SP140L: variants seen among roughly 807,000 people sequenced by gnomAD.
SP140L encodes nuclear body protein SP140-like protein.
SP140L carries 64 observed loss-of-function variants against 84.3 expected under a neutral mutation model. The ratio of observed to expected loss-of-function variants is 0.76; its 90% CI spans 0.62 to 0.94. The LOEUF is 0.94. Among genes scored for constraint, SP140L ranks in the 40% least tolerant of loss-of-function variants. The probability of loss-of-function intolerance (pLI) is 0.00; values close to 1 mark genes in which losing one functional copy is unlikely to be tolerated. For synonymous variants in SP140L, 242 were observed against 236.9 expected (o/e 1.02, Z -0.20); for missense variants, 628 against 692.5 (o/e 0.91, Z 1.05).
intron 2 of SP140L, among the ~76,000 whole-genome samples, chr2:230,332,944 T>C (rs1317788047): frequency 6.6e-6 from 1 of 152,234 alleles, no homozygotes; most frequent in Non-Finnish European, 1.5e-5. Flanking sequence ...TTTCTTGCTT[T>C]ACTATCTCAT....
chr2:230,401,977 C>T (rs2062362471), intron 18 of SP140L, among the ~76,000 whole-genome samples, 170 bp downstream of exon 18: 1 of 152,182 alleles, frequency 6.6e-6, no homozygotes, highest in African/African-American at 2.4e-5. Context: ...AGCAAAGAAA[C>T]ATTGAATCAA....
chr2:230,387,338 G>A (rs55893188), intron 9 of SP140L, among the ~76,000 whole-genome samples: 41,557 of 152,050 alleles, frequency 0.27, 6,127 homozygotes, highest in Non-Finnish European at 0.32. Context: ...TTGCAAATTT[G>A]AAACTTGTTT....
At chr2:230,371,924 T>C (rs2061087999) in intron 7 of SP140L, 4 of 392,960 alleles carry the variant, frequency 1.0e-5, no homozygotes, top group South Asian at 2.5e-5. Flanking sequence ...TCTAATCTTG[T>C]AGGCTTTAAA....
Position 230,337,637 on chromosome 2 carries a change from G to A in SP140L, c.107+8806G>A, listed in dbSNP as rs1440212614. ...GTTTTTATGGTTTTAGGTCTAACAT[G>A]TAAGTCTTTAATCCACCTTGAATTA... On this transcript the variant is annotated intron_variant, in intron 2 of 18. Coordinates refer to ENST00000415673, the MANE Select transcript of SP140L (RefSeq NM_138402.6). 7.2e-5 allele frequency among the ~76,000 whole-genome samples: 11 copies of A among 152,046 alleles called. No individual in the cohort carries two copies. The East Asian group carries it at 1.9e-3, about 27-fold the overall frequency.
chr2:230,334,840 T>C (rs2059823553), intron 2 of SP140L, among the ~76,000 whole-genome samples: 1 of 152,102 alleles, frequency 6.6e-6, no homozygotes, highest in African/African-American at 2.4e-5. Flanking sequence ...TGAAATGTAG[T>C]TTAGGGTAAG....
intron 1 of SP140L, 63 bp downstream of exon 1, chr2:230,327,364 T>A: frequency 6.4e-7 from 1 of 1,560,218 alleles, no homozygotes. Flanking sequence ...TTCATGCCTG[T>A]AGTTCAGTTT....
Position 230,403,000 on chromosome 2 carries a change from C to G in SP140L, c.*104C>G, listed in dbSNP as rs1314755989. 3 of 872,370 alleles carry G rather than the reference C, an allele frequency of 3.4e-6. No homozygotes were observed. The highest frequency in any genetic ancestry group is 2.6e-5 in the East Asian group (1 of 38,336). The allele number at this position is 872,370 out of a possible 1,614,324, so 54.0% of individuals were successfully genotyped here. On this transcript the variant is annotated 3_prime_UTR_variant, in exon 19 of 19. Transcript: ENST00000415673. Reference sequence around the variant, plus strand: ...ATAGCACATGCAGGGAGAGGCTTTTCTCTGAGCCTCCCTCATCTGCCCAAA... The same window carrying G: ...ATAGCACATGCAGGGAGAGGCTTTTGTCTGAGCCTCCCTCATCTGCCCAAA...
Position 230,385,286 on chromosome 2 carries a change from G to C in SP140L, c.766G>C (p.Asp256His). The change falls in exon 9 of 19, where the codon GAC (aspartate) becomes CAC (histidine). Residue 256 changes from aspartate (D) to histidine (H), a missense_variant. This residue lies in a region of SP140L where 525 missense variants were observed against 518.4 expected (regional missense o/e 1.01). Coordinates refer to ENST00000415673, the MANE Select transcript of SP140L (RefSeq NM_138402.6). ...SEKKANMNLK[D>H]LSKIRGRKRG... ...AAAGAAGGCGAACATGAATCTGAAAGACCTTTCCAAGATTAGGGGTAAGAT... is the reference window on the plus strand; with the variant it reads ...AAAGAAGGCGAACATGAATCTGAAACACCTTTCCAAGATTAGGGGTAAGAT... The C allele has an allele frequency of 6.2e-7, 1 of 1,613,680 alleles. No individual in the cohort carries two copies. Among genetic ancestry groups the C allele is most frequent in the Non-Finnish European group, 8.5e-7 (1 of 1,179,700 alleles).
At chr2:230,389,583 G>A (rs138424197) in intron 10 of SP140L, among the ~76,000 whole-genome samples, 1 of 152,246 alleles carries the variant, frequency 6.6e-6, no homozygotes, top group African/African-American at 2.4e-5. Flanking sequence ...CAGAATAGCT[G>A]GAGAGCGCCC....
Position 230,385,234 on chromosome 2 carries a change from A to C in SP140L, c.714A>C (p.Lys238Asn). 1 of 1,613,726 alleles carries C rather than the reference A, an allele frequency of 6.2e-7. No homozygotes were observed. The highest frequency in any genetic ancestry group is 2.2e-5 in the East Asian group (1 of 44,884). ...CTTGCCTATCCCCAGATAACAGCAA[A>C]GCCGATGGCCAGCTGGTCTCGAGTG... is the stretch of plus-strand genomic sequence containing the variant. ...QKNNQQNDNSKADGQLVSSEK... is the reference protein window; with the variant it reads ...QKNNQQNDNSNADGQLVSSEK... The change falls in exon 9 of 19, where the codon AAA becomes AAC. Residue 238 changes from lysine (K) to asparagine (N), a missense_variant. By Grantham distance (94) the Lys-to-Asn change is moderately conservative. Around this residue, in one of 4 missense-constraint regions of SP140L, gnomAD observed 525 missense variants for 518.4 expected, o/e 1.01. Coordinates refer to ENST00000415673, the MANE Select transcript of SP140L (RefSeq NM_138402.6).
chr2:230,388,850 G>C, intron 10 of SP140L: 1 of 410,246 alleles, frequency 2.4e-6, no homozygotes, highest in Non-Finnish European at 4.4e-6. Flanking sequence ...GGGCCCCAGG[G>C]GGTCACTAAA....
chr2:230,327,783 C>T (rs1387099269), intron 1 of SP140L, among the ~76,000 whole-genome samples: 1 of 152,144 alleles, frequency 6.6e-6, no homozygotes, highest in Non-Finnish European at 1.5e-5. Context: ...TACTTTTAAA[C>T]ATTGGAAACT....
intron 9 of SP140L, 74 bp from the exon 10 acceptor site, chr2:230,388,485 A>G: frequency 7.9e-7 from 1 of 1,259,838 alleles, no homozygotes; most frequent in Non-Finnish European, 1.1e-6. Context: ...TTTAAATGGA[A>G]TTTTTGAAAA....
intron 7 of SP140L, among the ~76,000 whole-genome samples, chr2:230,377,068 G>T (rs1201456018): frequency 6.6e-6 from 1 of 152,130 alleles, no homozygotes; most frequent in Non-Finnish European, 1.5e-5. Context: ...TAACAAATGT[G>T]TGCAGTTATA....
At chr2:230,348,237 G>T (rs115111156) in intron 2 of SP140L, among the ~76,000 whole-genome samples, 1 of 152,200 alleles carries the variant, frequency 6.6e-6, no homozygotes, top group East Asian at 1.9e-4. Context: ...AAATGAAAAC[G>T]TATATCCACA....
chr2:230,328,034 T>A (rs2059627949), intron 1 of SP140L, among the ~76,000 whole-genome samples: 4 of 152,258 alleles, frequency 2.6e-5, no homozygotes, highest in Admixed American at 2.6e-4. Context: ...AACGAGTTTA[T>A]AAATAACATT....
chr2:230,367,940 A>C (rs1459746973), intron 5 of SP140L, among the ~76,000 whole-genome samples: 2 of 152,164 alleles, frequency 1.3e-5, no homozygotes, highest in African/African-American at 4.8e-5. Context: ...CTCAAAAATA[A>C]ATATATTGTA....
chr2:230,376,741 A>G (rs11887575), intron 7 of SP140L, among the ~76,000 whole-genome samples: 10 of 152,202 alleles, frequency 6.6e-5, no homozygotes, highest in Admixed American at 2.0e-4. Context: ...TTTGTATAGA[A>G]CCATAAAGAC....
At chr2:230,342,477 T>C (rs2060083796) in intron 2 of SP140L, among the ~76,000 whole-genome samples, 1 of 152,242 alleles carries the variant, frequency 6.6e-6, no homozygotes. Context: ...CTGGGAGCTG[T>C]AGACCGGAGC....
Sources: gnomAD v4.1 joint callset for allele counts (sites outside exome capture counted in the v4.1 genomes callset) on GRCh38, gnomAD v4.1.1 for gene constraint, gnomAD v4.1.1 regional missense constraint, MANE v1.5 for transcripts, NCBI Gene and HGNC (gene_info 2026-07-23, HGNC 2026-07-21) for gene names.